The following PCSK7 variants were observed in gnomAD, a reference collection of about 807,000 sequenced individuals.
The protein encoded by PCSK7 is lymphoma proprotein convertase.
Under a neutral mutation model 73.3 loss-of-function variants are expected in PCSK7, and 38 were observed. That is an observed-to-expected ratio of 0.52 (90% CI 0.40 to 0.68). The LOEUF (loss-of-function observed/expected upper bound fraction) is 0.68, where lower values mean the gene tolerates loss of function less well. PCSK7 is among the 30% of genes least tolerant of loss of function. PCSK7 has a pLI of 0.00. For synonymous variants in PCSK7, 296 were observed against 383.8 expected (o/e 0.77, Z 2.68); for missense variants, 692 against 991.5 (o/e 0.70, Z 4.06).
chr11:117,216,962 T>C (rs1210525861), intron 12 of PCSK7: 1 of 151,946 alleles, frequency 6.6e-6, no homozygotes, highest in African/African-American at 2.4e-5. Flanking sequence ...AAACAAAAAA[T>C]CCCCCAAGGA....
chr11:117,212,091 G>GT (rs1374337471), intron 12 of PCSK7: 1 of 151,714 alleles, frequency 6.6e-6, no homozygotes. Flanking sequence ...TATTAAAATA[G>GT]TATGCATGAA....
At chr11:117,219,412 G>A in intron 10 of PCSK7, 179 bp downstream of exon 10, 1 of 668,250 alleles carries the variant, frequency 1.5e-6, no homozygotes, top group Non-Finnish European at 2.5e-6. Flanking sequence ...GATAAAATGA[G>A]TTTAGGCCTG....
rs982653382 is a variant in PCSK7, at chr11:117,205,677, C to T, written c.*320G>A. 3 of 289,062 alleles carry T rather than the reference C, an allele frequency of 1.0e-5. No individual in the cohort carries two copies. Among genetic ancestry groups the T allele is most frequent in the African/African-American group, 6.4e-5 (3 of 46,886 alleles). The allele number at this position is 289,062 out of a possible 1,614,324, so 17.9% of individuals were successfully genotyped here. A position where few individuals can be genotyped will look rare whatever the true frequency, so the allele number is the denominator to read the frequency against. ...TCTCAACTTATATGTGGGAAGGGGTCCCCCATGCTTGGGGGACCTAGGCAG... is the reference window on the plus strand; with the variant it reads ...TCTCAACTTATATGTGGGAAGGGGTTCCCCATGCTTGGGGGACCTAGGCAG... On this transcript the variant is annotated 3_prime_UTR_variant, in exon 17 of 17. Coordinates refer to ENST00000320934, the MANE Select transcript of PCSK7 (RefSeq NM_004716.4).
chr11:117,229,399 T>C lies in PCSK7; in HGVS notation c.446A>G (p.Lys149Arg), dbSNP rs753032594. The C allele has an allele frequency of 1.9e-6, 3 of 1,607,364 alleles. No homozygotes were observed. The highest frequency in any genetic ancestry group is 2.5e-6 in the Non-Finnish European group (3 of 1,179,868). Residue 149 changes from lysine to arginine, a missense_variant, in exon 3 of 17, where the codon AAG becomes AGG. Physicochemically the swap from Lys to Arg is conservative, Grantham distance 26 (BLOSUM62 2). Transcript: ENST00000320934. ...AKRSVHFNDPKYPQQWHLNNR... is the reference protein window; with the variant it reads ...AKRSVHFNDPRYPQQWHLNNR... ...CACCAGGTGCCATTGCTGCGGGTAC[T>C]TGGGGTCGTTGAAGTGGACGCTGCG...
rs769142219 is a variant in PCSK7 at position 117,219,164 on chromosome 11, A to G, written c.1324T>C (p.Tyr442His). The G allele has an allele frequency of 3.1e-6, 5 of 1,601,776 alleles. No homozygotes were observed. The South Asian group carries it at 4.4e-5, about 14-fold the overall frequency. ...QHIIVFTATRYEDRRAEWVTN... is the reference protein window; with the variant it reads ...QHIIVFTATRHEDRRAEWVTN... ...ACCCACTCTGCACGGCGATCCTCAT[A>G]CTGAAAGGACAGAGGTCCTGGTTAG... Residue 442 changes from tyrosine (Y) to histidine (H), a missense_variant and splice_region_variant, in exon 11 of 17, where the codon TAT (tyrosine) becomes CAT (histidine). Physicochemically the swap from Tyr to His is moderately conservative, Grantham distance 83. Around this residue, in one of 6 missense-constraint regions of PCSK7, gnomAD observed 574 missense variants for 689.8 expected, o/e 0.83. Transcript: ENST00000320934.
At chr11:117,224,625 T>C (rs2032339417) in intron 7 of PCSK7, 76 bp downstream of exon 7, 1 of 1,196,610 alleles carries the variant, frequency 8.4e-7, no homozygotes, top group Admixed American at 1.7e-5. Context: ...GGAAGATGGG[T>C]CAACTTGCAG....
intron 12 of PCSK7, chr11:117,213,473 A>G (rs1166140619): frequency 6.6e-6 from 1 of 152,188 alleles, no homozygotes; most frequent in East Asian, 1.9e-4. Context: ...AGTGAAATCT[A>G]AAATTTTGTA....
chr11:117,228,185 G>A (rs756512344), intron 4 of PCSK7, 31 bp downstream of exon 4: 29 of 1,607,276 alleles, frequency 1.8e-5, no homozygotes, highest in Non-Finnish European at 2.1e-5. Context: ...AAGACGTGGG[G>A]AGTGAGGGGT....
chr11:117,218,785 A>T lies in PCSK7; in HGVS notation c.1432-217T>A. Reference sequence around the variant, plus strand: ...GGAACCAGAGGAAACAGCTGTGTCCAGGGTGGAGGAGGGGAACCAGAGCAT... The same window carrying T: ...GGAACCAGAGGAAACAGCTGTGTCCTGGGTGGAGGAGGGGAACCAGAGCAT... On this transcript the variant is annotated intron_variant, in intron 11 of 16. Transcript: ENST00000320934. The surrounding 1 kb of genome is among the most constrained non-coding windows in gnomAD (Gnocchi z 4.0). 2 of 568,008 alleles carry T rather than the reference A, an allele frequency of 3.5e-6. No individual in the cohort carries two copies. The highest frequency in any genetic ancestry group is 4.6e-5 in the South Asian group (2 of 43,372). The allele number at this position is 568,008 out of a possible 1,614,324, so 35.2% of individuals were successfully genotyped here. A position where few individuals can be genotyped will look rare whatever the true frequency, so the allele number is the denominator to read the frequency against.
chr11:117,218,501 G>A lies in PCSK7; in HGVS notation c.1499C>T (p.Pro500Leu), dbSNP rs781110023. The A allele has an allele frequency of 5.1e-5, 82 of 1,609,336 alleles. No homozygotes were observed. Among genetic ancestry groups the A allele is most frequent in the African/African-American group, 6.7e-5 (5 of 74,646 alleles). Reference sequence around the variant, plus strand: ...GACCTCCAGGGAACGGGGGGACTGCGGAATCGCCTTGTTTTCTTTTAACAC... The same window carrying A: ...GACCTCCAGGGAACGGGGGGACTGCAGAATCGCCTTGTTTTCTTTTAACAC... ...SPVLKENKAIPQSPRSLEVLW... is the reference protein window; with the variant it reads ...SPVLKENKAILQSPRSLEVLW... The change falls in exon 12 of 17, where the codon CCG (proline) becomes CTG (leucine). Residue 500 changes from proline to leucine, a missense_variant. Physicochemically the swap from Pro to Leu is moderately conservative, Grantham distance 98. Coordinates refer to ENST00000320934, the MANE Select transcript of PCSK7 (RefSeq NM_004716.4). This position sits in a 1 kb window ranked among gnomAD's most constrained non-coding sequence, Gnocchi z 4.0.
chr11:117,223,758 T>C, intron 8 of PCSK7: 1 of 385,972 alleles, frequency 2.6e-6, no homozygotes, highest in Admixed American at 4.1e-5. Context: ...GGCACTTAAT[T>C]TAGGCCTGTG....
chr11:117,230,053 G>A (rs530705022), intron 2 of PCSK7, 197 bp from the exon 3 acceptor site: 74 of 517,598 alleles, frequency 1.4e-4, no homozygotes, highest in African/African-American at 1.3e-3. Context: ...GGTGGAGTGT[G>A]GGCCAGCACT....
intron 6 of PCSK7, 115 bp downstream of exon 6, chr11:117,225,816 A>C: frequency 1.4e-6 from 1 of 694,080 alleles, no homozygotes; most frequent in South Asian, 1.5e-5. Flanking sequence ...TATTAGCTGA[A>C]CCCAATGAGG....
rs553126836 is a variant in PCSK7 at position 117,205,682 on chromosome 11, A to G, written c.*315T>C. The G allele has an allele frequency of 1.1e-3, 317 of 294,704 alleles. 3 individuals are homozygous for G. Among genetic ancestry groups the G allele is most frequent in the African/African-American group, 6.1e-3 (288 of 47,122 alleles). The allele number at this position is 294,704 out of a possible 1,614,324, so 18.3% of individuals were successfully genotyped here. The stretch of plus-strand genomic sequence containing the variant: ...ACTTATATGTGGGAAGGGGTCCCCC[A>G]TGCTTGGGGGACCTAGGCAGCTGGC... On this transcript the variant is annotated 3_prime_UTR_variant, in exon 17 of 17. Transcript: ENST00000320934.
rs1565298920 is a variant in PCSK7 at position 117,206,236 on chromosome 11, G to A, written c.2119C>T (p.Pro707Ser). ...TCCTTGGCTTTCCGGCTCCGATGGG[G>A]CCAGTGGCAGGGTCCACTCCTACAA... ...QVCRSGPCHW[P>S]HRSRKAKEEG... The change falls in exon 17 of 17, where the codon CCC (proline) becomes TCC (serine). Residue 707 changes from proline (P) to serine (S), a missense_variant. Pro to Ser is a moderately conservative substitution (Grantham distance 74, BLOSUM62 -1). Transcript: ENST00000320934. The A allele has an allele frequency of 1.2e-6, 2 of 1,614,160 alleles. No individual in the cohort carries two copies. The highest frequency in any genetic ancestry group is 1.7e-6 in the Non-Finnish European group (2 of 1,180,018).
chr11:117,219,881 TTA>T, intron 9 of PCSK7, 123 bp from the exon 10 acceptor site: 1 of 637,718 alleles, frequency 1.6e-6, no homozygotes, highest in Non-Finnish European at 2.6e-6. Flanking sequence ...AGCACAGGAG[TTA>T]TGACTGTGCC....
intron 8 of PCSK7, 78 bp downstream of exon 8, chr11:117,224,000 A>G: frequency 1.4e-6 from 2 of 1,424,840 alleles, no homozygotes; most frequent in Non-Finnish European, 2.0e-6. Flanking sequence ...AGACACACAC[A>G]GAAGCTAGGA....
chr11:117,222,170 C>A (rs6589606), intron 9 of PCSK7: 1 of 152,110 alleles, frequency 6.6e-6, no homozygotes, highest in Non-Finnish European at 1.5e-5. Flanking sequence ...TATGCCCACA[C>A]TATATGGTTG....
chr11:117,212,189 T>C, intron 12 of PCSK7: 1 of 152,150 alleles, frequency 6.6e-6, no homozygotes, highest in East Asian at 1.9e-4. Context: ...AGCAAACTTT[T>C]TTTTTATTGT....
Sources: gnomAD v4.1 joint callset for allele counts on GRCh38, gnomAD v4.1.1 for gene constraint, gnomAD v4.1.1 regional missense constraint, Gnocchi (gnomAD v3.1) non-coding constraint, MANE v1.5 for transcripts, NCBI Gene and HGNC (gene_info 2026-07-23, HGNC 2026-07-21) for gene names.